Variants in KIF9 observed in about 807,000 individuals in gnomAD.
The protein encoded by KIF9 is kinesin family member 9.
In KIF9, 68 loss-of-function variants were observed where a neutral mutation model predicts 94.8. The observed-to-expected ratio is 0.72, with a 90% CI of 0.59 to 0.88. KIF9 has a LOEUF of 0.88. KIF9 is among the 40% of genes least tolerant of loss of function. The probability of loss-of-function intolerance (pLI) is 0.00; values close to 1 mark genes in which losing one functional copy is unlikely to be tolerated. For missense variants in KIF9, 882 were observed against 982.5 expected (o/e 0.90, Z 1.37); for synonymous variants, 343 against 362.1 (o/e 0.95, Z 0.60).
chr3:47,256,777 C>T (rs1700644237), intron 10 of KIF9, among the ~76,000 whole-genome samples: 2 of 151,884 alleles, frequency 1.3e-5, no homozygotes, highest in Admixed American at 6.6e-5. Flanking sequence ...CATGGGAGAC[C>T]TTTCATTTTG....
rs1424486383 is a variant in KIF9 at position 47,245,403 on chromosome 3, A to G, written c.1380+18T>C. 1 of 1,598,422 alleles carries G rather than the reference A, an allele frequency of 6.3e-7. No homozygotes were observed. Among genetic ancestry groups the G allele is most frequent in the African/African-American group, 1.3e-5 (1 of 74,610 alleles). On this transcript the variant is annotated intron_variant, in intron 14 of 20. Transcript: ENST00000684063. ...AAATCTGAGGTGAGTGCTGTCGGCAAGTAGCAACTATGCTTACCTTCTGGA... is the reference window on the plus strand; with the variant it reads ...AAATCTGAGGTGAGTGCTGTCGGCAGGTAGCAACTATGCTTACCTTCTGGA...
intron 10 of KIF9, among the ~76,000 whole-genome samples, chr3:47,251,554 AC>A (rs1215175266): frequency 6.6e-5 from 10 of 152,208 alleles, no homozygotes; most frequent in Admixed American, 1.3e-4. Context: ...ACAGAGTGAG[AC>A]CCTGTCTCAA....
At chr3:47,239,372 T>A (rs887829055) in intron 17 of KIF9, among the ~76,000 whole-genome samples, 1 of 152,092 alleles carries the variant, frequency 6.6e-6, no homozygotes, top group Non-Finnish European at 1.5e-5. Context: ...GACAAAGAAG[T>A]GCTTGTTTGT....
chr3:47,264,084 TC>T (rs1189242646), intron 9 of KIF9: 5 of 581,136 alleles, frequency 8.6e-6, no homozygotes, highest in Middle Eastern at 2.7e-4. Flanking sequence ...CTGGCCCTTT[TC>T]CTCCGCACAG....
chr3:47,231,584 C>A (rs999432335), intron 20 of KIF9, among the ~76,000 whole-genome samples: 1 of 151,708 alleles, frequency 6.6e-6, no homozygotes. Context: ...CCATGGCTGG[C>A]TAATTTTTGT....
Position 47,236,635 on chromosome 3 carries a change from A to T in KIF9, c.1925-16T>A. On this transcript the variant is annotated splice_polypyrimidine_tract_variant and intron_variant, in intron 17 of 20. Coordinates refer to ENST00000684063, the MANE Select transcript of KIF9 (RefSeq NM_182902.4). ...TCGTACTTGCCTGCAAGGTGATGGA[A>T]GAAGTCAGGAAATGAGGAGGTGTCC... The T allele has an allele frequency of 6.2e-7, 1 of 1,612,492 alleles. No homozygotes were observed. Among genetic ancestry groups the T allele is most frequent in the Non-Finnish European group, 8.5e-7 (1 of 1,179,448 alleles).
intron 15 of KIF9, chr3:47,244,505 T>C (rs111292600): frequency 5.0e-5 from 18 of 360,360 alleles, no homozygotes; most frequent in African/African-American, 3.7e-4. Context: ...TGGTATGGCC[T>C]TGGTGAGTGA....
At chr3:47,280,878 C>G in intron 1 of KIF9, 1 of 702,764 alleles carries the variant, frequency 1.4e-6, no homozygotes, top group Non-Finnish European at 2.6e-6. Context: ...TTTGCACACC[C>G]GTCTTGTGAG....
chr3:47,244,036 G>A (rs531869056), intron 15 of KIF9: 5 of 152,396 alleles, frequency 3.3e-5, no homozygotes, highest in African/African-American at 4.8e-5. Context: ...CTTGTCCTGC[G>A]TGTAACAGTT....
intron 17 of KIF9, among the ~76,000 whole-genome samples, chr3:47,239,195 C>G (rs1276825362): frequency 6.6e-6 from 1 of 152,112 alleles, no homozygotes; most frequent in Non-Finnish European, 1.5e-5. Context: ...AGTGAAACTC[C>G]ATCTCGAAAA....
intron 10 of KIF9, chr3:47,250,392 C>A: frequency 4.9e-6 from 1 of 204,408 alleles, no homozygotes; most frequent in South Asian, 6.0e-5. Context: ...CTATTCCCAT[C>A]AGACTGCAAG....
chr3:47,267,212 T>C lies in KIF9; in HGVS notation c.643A>G (p.Arg215Gly). The change falls in exon 6 of 21, where the codon AGA becomes GGA. Residue 215 changes from arginine (R) to glycine (G), a missense_variant. Arg to Gly is a moderately radical substitution (Grantham distance 125). Coordinates refer to ENST00000684063, the MANE Select transcript of KIF9 (RefSeq NM_182902.4). ...TAGATGGTGAAAATGCAGTGTGATC[T>C]GGAAGAGTTTTTGTTCATAGTGTGG... ...ASHTMNKNSS[R>G]SHCIFTIYLE... is the part of the protein sequence containing the mutation. The C allele has an allele frequency of 1.2e-6, 2 of 1,613,768 alleles. No homozygotes were observed. Among genetic ancestry groups the C allele is most frequent in the African/African-American group, 1.3e-5 (1 of 74,902 alleles).
rs530285615 is a variant in KIF9, at chr3:47,231,404, C to G, written c.2323-2702G>C. On this transcript the variant is annotated intron_variant, in intron 20 of 20. Coordinates refer to ENST00000684063, the MANE Select transcript of KIF9 (RefSeq NM_182902.4). ...GAATCTCAGGCTCCATCAGTATCTA[C>G]TTTTTTTTTTTTTTTTTTTTTTTTT... is the stretch of plus-strand genomic sequence containing the variant. Among the ~76,000 whole-genome samples the G allele has an allele frequency of 1.9e-3, 148 of 79,790 alleles. 1 individual carries two copies. The highest frequency in any genetic ancestry group is 7.7e-3 in the African/African-American group (138 of 17,894). The allele number at this position is 79,790 out of a possible 152,430, so 52.3% of individuals were successfully genotyped here. A position where few individuals can be genotyped will look rare whatever the true frequency, so the allele number is the denominator to read the frequency against.
At chr3:47,262,869 T>C (rs183868194) in intron 9 of KIF9, among the ~76,000 whole-genome samples, 36 of 152,312 alleles carry the variant, frequency 2.4e-4, no homozygotes, top group Non-Finnish European at 4.3e-4. Context: ...AAATGTCTAA[T>C]GATAGCTTTC....
Position 47,240,134 on chromosome 3 carries a change from C to T in KIF9, c.1924+667G>A, listed in dbSNP as rs557360401. The T allele has an allele frequency of 2.6e-5, 9 of 347,632 alleles. No homozygotes were observed. The East Asian group carries it at 6.8e-4, about 26-fold the overall frequency. 21.5% of individuals were successfully genotyped at this position (347,632 alleles called of 1,614,324 possible). On this transcript the variant is annotated intron_variant, in intron 17 of 20. Transcript: ENST00000684063. ...CACGCAAGCTTGGTGGGCCTTGGCC[C>T]TCAGTGCAGGTGTGGGCGGCGCACG...
intron 5 of KIF9, among the ~76,000 whole-genome samples, chr3:47,267,805 GT>G (rs775734518): frequency 4.7e-5 from 7 of 147,668 alleles, no homozygotes; most frequent in Non-Finnish European, 4.5e-5. Context: ...AGTTTTGTGG[GT>G]TTTTTTTAGT....
At chr3:47,258,016 CA>C (rs1321705586) in intron 9 of KIF9, among the ~76,000 whole-genome samples, 2 of 152,182 alleles carry the variant, frequency 1.3e-5, no homozygotes, top group Admixed American at 6.5e-5. Flanking sequence ...GCCCCTTCCA[CA>C]AACCACAGTG....
intron 10 of KIF9, among the ~76,000 whole-genome samples, chr3:47,255,092 A>G (rs1357583032): frequency 6.6e-6 from 1 of 152,194 alleles, no homozygotes; most frequent in Non-Finnish European, 1.5e-5. Context: ...TGTCGAGCTT[A>G]GGGCTTACAA....
chr3:47,234,747 G>T (rs1432761855), intron 20 of KIF9, among the ~76,000 whole-genome samples: 1 of 149,382 alleles, frequency 6.7e-6, no homozygotes, highest in African/African-American at 2.5e-5. Context: ...GTAGAGACAG[G>T]GTTTCATCAT....
Sources: gnomAD v4.1 joint callset for allele counts (sites outside exome capture counted in the v4.1 genomes callset) on GRCh38, gnomAD v4.1.1 for gene constraint, MANE v1.5 for transcripts, NCBI Gene and HGNC (gene_info 2026-07-23, HGNC 2026-07-21) for gene names.